Variants in GPC6 observed in about 807,000 individuals in gnomAD.
GPC6 encodes the protein glypican 6, also known as glypican-6.
A neutral mutation model predicts 55.2 loss-of-function variants in GPC6; 14 were observed. That is an observed-to-expected ratio of 0.25 (90% confidence interval 0.17 to 0.40). The LOEUF (loss-of-function observed/expected upper bound fraction) is 0.40, where lower values mean the gene tolerates loss of function less well. GPC6 is among the 10% of genes least tolerant of loss of function. The probability of loss-of-function intolerance (pLI) is 1.00; values close to 1 mark genes in which losing one functional copy is unlikely to be tolerated. For synonymous variants in GPC6, 278 were observed against 259.6 expected, an observed-to-expected ratio of 1.07 and a Z score of -0.68; for missense variants, 641 against 708.5, an observed-to-expected ratio of 0.90 and a Z score of 1.08.
chr13:93,678,045 C>G lies in GPC6; in HGVS notation c.319+132624C>G, dbSNP rs1047248766. Among the ~76,000 whole-genome samples, 8 of 152,138 alleles carry G rather than the reference C, an allele frequency of 5.3e-5. No individual in the cohort carries two copies. In the East Asian group the frequency reaches 1.3e-3, roughly 26 times the overall value. ...AAAAATTTCCCAATTCTCATACTGC[C>G]TTCTGCCACTGTCTCCTAAAAGGGT... is the stretch of plus-strand genomic sequence containing the variant. On this transcript the variant is annotated intron_variant, in intron 2 of 8. Transcript: ENST00000377047.
At chr13:93,564,827 A>G (rs190846853) in intron 2 of GPC6, among the ~76,000 whole-genome samples, 1 of 152,298 alleles carries the variant, frequency 6.6e-6, no homozygotes, top group Non-Finnish European at 1.5e-5. Flanking sequence ...CAGACCTCTT[A>G]GGAATTGCCC....
intron 7 of GPC6, among the ~76,000 whole-genome samples, chr13:94,389,806 A>G (rs890782963): frequency 2.6e-5 from 4 of 152,162 alleles, no homozygotes; most frequent in African/African-American, 9.7e-5. Context: ...TCTCCCCCAT[A>G]AAACTGACAA....
At position 94,071,122 on chromosome 13, in the gene GPC6, TAAAAGGTA is replaced by T. The variant is rs1271512487; in HGVS notation, c.877+43231_877+43238del. ...TGCCTGGCATGTGCCATCTTGACCT[TAAAAGGTA>T]AAGAGAAAAGTCTTCTCTCCATTTT... On this transcript the variant is annotated intron_variant, in intron 4 of 8. Transcript: ENST00000377047. Among the ~76,000 whole-genome samples the T allele has an allele frequency of 7.2e-5, 11 of 152,312 alleles. No individual in the cohort carries two copies. In the East Asian group the frequency reaches 1.9e-3, roughly 27 times the overall value.
chr13:94,334,226 G>T (rs1171320768), intron 6 of GPC6, among the ~76,000 whole-genome samples: 1 of 152,178 alleles, frequency 6.6e-6, no homozygotes, highest in Non-Finnish European at 1.5e-5. Flanking sequence ...CGCAGCCATG[G>T]ACAATGCATA....
intron 2 of GPC6, among the ~76,000 whole-genome samples, chr13:93,764,013 ATCTACTGAT>A (rs1405902922): frequency 6.6e-6 from 1 of 152,080 alleles, no homozygotes; most frequent in Non-Finnish European, 1.5e-5. Context: ...CACAGATCGG[ATCTACTGAT>A]TCCTTTTGAA....
chr13:93,865,188 C>T (rs9584163), intron 3 of GPC6, among the ~76,000 whole-genome samples: 7,544 of 151,618 alleles, frequency 0.05, 568 homozygotes, highest in African/African-American at 0.16. Context: ...CCCCCAAATC[C>T]TCCTCCTCTC....
intron 1 of GPC6, among the ~76,000 whole-genome samples, chr13:93,362,427 C>T (rs1262764943): frequency 2.0e-5 from 3 of 152,114 alleles, no homozygotes; most frequent in African/African-American, 7.2e-5. Context: ...GGGCTGTAAA[C>T]CCATCCAAGG....
At chr13:94,114,592 G>A (rs1215614919) in intron 4 of GPC6, among the ~76,000 whole-genome samples, 1 of 152,072 alleles carries the variant, frequency 6.6e-6, no homozygotes, top group Non-Finnish European at 1.5e-5. Flanking sequence ...AGGATAGTGG[G>A]TGGGGTTGGG....
intron 1 of GPC6, among the ~76,000 whole-genome samples, chr13:93,383,405 G>C (rs1432849125): frequency 1.3e-5 from 2 of 152,004 alleles, no homozygotes; most frequent in Non-Finnish European, 2.9e-5. Flanking sequence ...TTTGCAGAGA[G>C]GGAGTCTCGC....
At chr13:93,941,376 C>G (rs1386810073) in intron 3 of GPC6, among the ~76,000 whole-genome samples, 1 of 151,996 alleles carries the variant, frequency 6.6e-6, no homozygotes, top group Admixed American at 6.6e-5. Context: ...TCTATGATAT[C>G]CCTTATAACT....
chr13:94,400,876 T>C (rs1881099873), intron 8 of GPC6, among the ~76,000 whole-genome samples: 1 of 152,212 alleles, frequency 6.6e-6, no homozygotes, highest in African/African-American at 2.4e-5. Context: ...TCCTAACAGA[T>C]AGATGTTATT....
At chr13:93,891,992 GT>G (rs1341474884) in intron 3 of GPC6, among the ~76,000 whole-genome samples, 82 of 151,940 alleles carry the variant, frequency 5.4e-4, no homozygotes, top group African/African-American at 7.2e-5. Flanking sequence ...TATTGTATAT[GT>G]TTTTAAGAAG....
At chr13:93,671,867 C>T (rs1484657866) in intron 2 of GPC6, among the ~76,000 whole-genome samples, 1 of 152,046 alleles carries the variant, frequency 6.6e-6, no homozygotes, top group Admixed American at 6.6e-5. Flanking sequence ...GGTTAAGTGG[C>T]ATGTCAGGAT....
intron 6 of GPC6, among the ~76,000 whole-genome samples, chr13:94,377,057 G>T (rs1594220284): frequency 6.6e-6 from 1 of 151,254 alleles, no homozygotes; most frequent in South Asian, 2.1e-4. Flanking sequence ...ATTCAAGATG[G>T]ATTAAAGACT....
At chr13:93,302,861 T>C (rs1191379010) in intron 1 of GPC6, among the ~76,000 whole-genome samples, 1 of 152,212 alleles carries the variant, frequency 6.6e-6, no homozygotes. Context: ...GAAAAATCCC[T>C]GAGCAGACAA....
intron 4 of GPC6, among the ~76,000 whole-genome samples, chr13:94,125,842 A>G (rs1886788647): frequency 6.6e-6 from 1 of 152,122 alleles, no homozygotes; most frequent in Non-Finnish European, 1.5e-5. Flanking sequence ...TTTCATACAC[A>G]TAATAAGGTT....
At chr13:94,267,589 G>A (rs1272525773) in intron 4 of GPC6, among the ~76,000 whole-genome samples, 1 of 152,118 alleles carries the variant, frequency 6.6e-6, no homozygotes. Context: ...TTCCAGCTAA[G>A]TAATTTTATT....
At chr13:93,883,564 G>T (rs1875129186) in intron 3 of GPC6, among the ~76,000 whole-genome samples, 1 of 152,016 alleles carries the variant, frequency 6.6e-6, no homozygotes, top group African/African-American at 2.4e-5. Flanking sequence ...GTGATGTTGA[G>T]CATTTTTTCA....
At chr13:94,205,306 T>C (rs1341937401) in intron 4 of GPC6, among the ~76,000 whole-genome samples, 2 of 152,216 alleles carry the variant, frequency 1.3e-5, no homozygotes, top group South Asian at 2.1e-4. Flanking sequence ...GTCTTTGTAT[T>C]TGTGAACATC....
Sources: gnomAD v4.1 joint callset for allele counts (sites outside exome capture counted in the v4.1 genomes callset) on GRCh38, gnomAD v4.1.1 for gene constraint, MANE v1.5 for transcripts, NCBI Gene and HGNC (gene_info 2026-07-23, HGNC 2026-07-21) for gene names.